The following AFG1L variants were observed in gnomAD, a reference collection of about 807,000 sequenced individuals.
AFG1L encodes the protein AFG1 like ATPase.
A neutral mutation model predicts 62.2 loss-of-function variants in AFG1L; 53 were observed. The ratio of observed to expected loss-of-function variants is 0.85; its 90% CI spans 0.68 to 1.07. The LOEUF is 1.07. Among genes scored for constraint, AFG1L ranks in the 50% least tolerant of loss-of-function variants. AFG1L has a pLI of 0.00. For missense variants in AFG1L, 555 were observed against 590.5 expected, an observed-to-expected ratio of 0.94 and a Z score of 0.62; for synonymous variants, 228 against 210.3, an observed-to-expected ratio of 1.08 and a Z score of -0.73.
At chr6:108,501,172 T>G (rs997986236) in intron 10 of AFG1L, among the ~76,000 whole-genome samples, 3 of 152,150 alleles carry the variant, frequency 2.0e-5, no homozygotes, top group Admixed American at 6.5e-5. Context: ...ACTTTGTATT[T>G]TTAGCAGAGA....
intron 1 of AFG1L, among the ~76,000 whole-genome samples, chr6:108,298,407 A>G (rs1776852305): frequency 6.6e-6 from 1 of 151,780 alleles, no homozygotes; most frequent in Non-Finnish European, 1.5e-5. Flanking sequence ...CTGGAATTAC[A>G]GGCGCCCGCC....
chr6:108,479,899 G>T (rs1773263438), intron 10 of AFG1L, among the ~76,000 whole-genome samples: 1 of 152,132 alleles, frequency 6.6e-6, no homozygotes, highest in South Asian at 2.1e-4. Context: ...AAAGTCTTTG[G>T]CAAGGAGTAG....
At chr6:108,311,600 G>A (rs940184740) in intron 1 of AFG1L, among the ~76,000 whole-genome samples, 4 of 151,614 alleles carry the variant, frequency 2.6e-5, no homozygotes, top group Admixed American at 2.6e-4. Context: ...GGGCTCAAGC[G>A]ATCCTCCCGC....
chr6:108,343,265 C>T (rs908774973), intron 2 of AFG1L, among the ~76,000 whole-genome samples: 1 of 151,990 alleles, frequency 6.6e-6, no homozygotes, highest in Non-Finnish European at 1.5e-5. Flanking sequence ...GGCCACTGGT[C>T]TTGAACTCCT....
chr6:108,362,998 AT>A (rs758856029), intron 5 of AFG1L, among the ~76,000 whole-genome samples: 3 of 152,136 alleles, frequency 2.0e-5, no homozygotes, highest in Non-Finnish European at 4.4e-5. Context: ...AGTAGCCTTG[AT>A]TTTTAGCTAG....
intron 2 of AFG1L, among the ~76,000 whole-genome samples, chr6:108,332,051 G>C (rs1202956423): frequency 6.6e-6 from 1 of 152,180 alleles, no homozygotes; most frequent in African/African-American, 2.4e-5. Flanking sequence ...GCATGAGGCA[G>C]ATGGAAAAGA....
At chr6:108,311,712 G>A (rs1777420291) in intron 1 of AFG1L, among the ~76,000 whole-genome samples, 1 of 151,876 alleles carries the variant, frequency 6.6e-6, no homozygotes, top group Non-Finnish European at 1.5e-5. Flanking sequence ...GCCACTGATT[G>A]TATTTGCAGT....
At chr6:108,481,297 T>C (rs1773314057) in intron 10 of AFG1L, among the ~76,000 whole-genome samples, 1 of 152,192 alleles carries the variant, frequency 6.6e-6, no homozygotes, top group African/African-American at 2.4e-5. Context: ...CAAGTTTCCT[T>C]TCCTTACCTT....
At chr6:108,355,581 G>A in intron 3 of AFG1L, 73 bp from the exon 4 acceptor site, 1 of 720,162 alleles carries the variant, frequency 1.4e-6, no homozygotes, top group Non-Finnish European at 2.2e-6. Flanking sequence ...TTATCTCAAA[G>A]CTAATGAACA....
At chr6:108,517,721 A>G (rs1006621411) in intron 11 of AFG1L, among the ~76,000 whole-genome samples, 1 of 152,256 alleles carries the variant, frequency 6.6e-6, no homozygotes, top group African/African-American at 2.4e-5. Flanking sequence ...CAGGCAGCCT[A>G]CAGAATGGGA....
rs192648508 is a variant in AFG1L at position 108,383,103 on chromosome 6, C to T, written c.748+16771C>T. On this transcript the variant is annotated intron_variant, in intron 6 of 12. Coordinates refer to ENST00000368977, the MANE Select transcript of AFG1L (RefSeq NM_145315.5). ...AAATACAAAAAAATTTGTGGTGGTGCGCACCTGTAATTCTAGCTACTCAGG... is the reference window on the plus strand; with the variant it reads ...AAATACAAAAAAATTTGTGGTGGTGTGCACCTGTAATTCTAGCTACTCAGG... 6.0e-3 allele frequency among the ~76,000 whole-genome samples: 917 copies of T among 152,076 alleles called. 17 individuals are homozygous for T. Among genetic ancestry groups the T allele is most frequent in the Admixed American group, 0.043 (656 of 15,266 alleles).
rs539679051 is a variant in AFG1L, at chr6:108,515,536, C to A, written c.1204-4161C>A. ...GGAAATGTATAGCACTAAATGCCCA[C>A]AAGAGAAAGCAGGAAAGATCTAAAA... is the stretch of plus-strand genomic sequence containing the variant. On this transcript the variant is annotated intron_variant, in intron 11 of 12. Coordinates refer to ENST00000368977, the MANE Select transcript of AFG1L (RefSeq NM_145315.5). Among the ~76,000 whole-genome samples, 1,203 of 152,172 alleles carry A rather than the reference C, an allele frequency of 7.9e-3. 23 individuals are homozygous for A. Among genetic ancestry groups the A allele is most frequent in the African/African-American group, 0.027 (1,132 of 41,500 alleles).
At chr6:108,327,908 A>G (rs994282112) in intron 2 of AFG1L, among the ~76,000 whole-genome samples, 10 of 152,294 alleles carry the variant, frequency 6.6e-5, no homozygotes, top group Admixed American at 5.2e-4. Flanking sequence ...ACCAGCGTAA[A>G]GATTGGCTTA....
At chr6:108,434,281 A>C (rs975140602) in intron 7 of AFG1L, among the ~76,000 whole-genome samples, 7 of 152,158 alleles carry the variant, frequency 4.6e-5, no homozygotes, top group Non-Finnish European at 7.3e-5. Context: ...CTAGAGTGCC[A>C]AGCCTAATAT....
chr6:108,300,151 G>A (rs1160123520), intron 1 of AFG1L, among the ~76,000 whole-genome samples: 1 of 146,130 alleles, frequency 6.8e-6, no homozygotes, highest in Non-Finnish European at 1.5e-5. Context: ...TTCCCTATTA[G>A]GGTTTTTTTT....
intron 2 of AFG1L, among the ~76,000 whole-genome samples, chr6:108,342,308 A>G (rs774476620): frequency 9.2e-5 from 14 of 152,228 alleles, no homozygotes; most frequent in African/African-American, 1.4e-4. Flanking sequence ...AGGGGAGCAC[A>G]TGGAGAATGA....
intron 2 of AFG1L, among the ~76,000 whole-genome samples, chr6:108,343,787 T>G (rs565883263): frequency 5.5e-4 from 83 of 152,230 alleles, no homozygotes; most frequent in African/African-American, 2.0e-3. Flanking sequence ...GATTTAAGAA[T>G]AGATGGAGAG....
At chr6:108,467,073 G>C (rs1772704334) in intron 8 of AFG1L, among the ~76,000 whole-genome samples, 1 of 151,990 alleles carries the variant, frequency 6.6e-6, no homozygotes. Flanking sequence ...AATTGATTTA[G>C]GATGCACTCT....
At chr6:108,433,749 T>C (rs995676642) in intron 7 of AFG1L, among the ~76,000 whole-genome samples, 1 of 151,828 alleles carries the variant, frequency 6.6e-6, no homozygotes, top group Admixed American at 6.6e-5. Flanking sequence ...CAAGGCACCA[T>C]GTCTGGCTAA....
Sources: gnomAD v4.1 joint callset for allele counts (sites outside exome capture counted in the v4.1 genomes callset) on GRCh38, gnomAD v4.1.1 for gene constraint, MANE v1.5 for transcripts, NCBI Gene and HGNC (gene_info 2026-07-23, HGNC 2026-07-21) for gene names.